Variants in MBTPS2 observed in about 807,000 individuals in gnomAD.
The protein encoded by MBTPS2 is membrane-bound transcription factor site-2 protease.
In MBTPS2, 2 loss-of-function variants were observed where a neutral mutation model predicts 35.4. The ratio of observed to expected loss-of-function variants is 0.06; its 90% confidence interval spans 0.02 to 0.18. The LOEUF (loss-of-function observed/expected upper bound fraction) is 0.18. Among genes scored for constraint, MBTPS2 ranks in the 10% least tolerant of loss-of-function variants. MBTPS2 has a pLI of 1.00. For synonymous variants in MBTPS2, 125 were observed against 140.4 expected, an observed-to-expected ratio of 0.89 and a Z score of 0.77; for missense variants, 244 against 386.5, an observed-to-expected ratio of 0.63 and a Z score of 3.09.
rs1372476561 is a variant in MBTPS2, at chrX:21,862,919, CATATATATATAAACATATAT to C, written c.671-5536_671-5517del. Among the ~76,000 whole-genome samples the C allele has an allele frequency of 1.3e-3, 53 of 40,358 alleles. 2 individuals carry two copies. Among genetic ancestry groups the C allele is most frequent in the Middle Eastern group, 0.015 (1 of 67 alleles). The allele number at this position is 40,358 out of a possible 115,157, so 35.0% of individuals were successfully genotyped here. On this transcript the variant is annotated intron_variant, in intron 5 of 10. Transcript: ENST00000379484. ...ATATAAACATATATAAATATATAAA[CATATATATATAAACATATAT>C]ATATATATATATATATATATATATA...
At chrX:21,849,572 C>T (rs1245593860) in intron 3 of MBTPS2, among the ~76,000 whole-genome samples, 1 of 111,432 alleles carries the variant, frequency 9.0e-6, no homozygotes, top group African/African-American at 3.3e-5. Flanking sequence ...ACTACCCTCT[C>T]TGTGAGGCAT....
At chrX:21,857,604 A>C in intron 5 of MBTPS2, 6 of 1,199,268 alleles carry the variant, frequency 5.0e-6, no homozygotes, top group Non-Finnish European at 6.8e-6. Flanking sequence ...CAACCCGTGA[A>C]AAGGAGAAGA....
chrX:21,843,832 G>A lies in MBTPS2; in HGVS notation c.224+514G>A, dbSNP rs1407159439. Among the ~76,000 whole-genome samples the A allele has an allele frequency of 2.7e-5, 3 of 111,184 alleles. No individual in the cohort carries two copies. The East Asian group carries it at 8.5e-4, about 31-fold the overall frequency. On this transcript the variant is annotated intron_variant, in intron 2 of 10. Transcript: ENST00000379484. ...AGTTGGTTCTTTGAAAATATTAATT[G>A]GGCCGGGCGCAGTGGTTCACACCTG...
At chrX:21,857,642 C>G (rs773706302) in intron 5 of MBTPS2, 21 of 1,156,494 alleles carry the variant, frequency 1.8e-5, no homozygotes, top group Admixed American at 2.5e-5. Flanking sequence ...AATTATCTTC[C>G]AGGACTGCGG....
chrX:21,856,830 T>G, intron 5 of MBTPS2: 1 of 1,211,669 alleles, frequency 8.3e-7, no homozygotes, highest in East Asian at 3.0e-5. Flanking sequence ...AGACGAGCAC[T>G]TCCAGATGAC....
intron 6 of MBTPS2, 86 bp from the exon 7 acceptor site, chrX:21,869,408 CTTAA>C (rs2092944381): frequency 5.9e-6 from 4 of 674,386 alleles, no homozygotes; most frequent in Admixed American, 2.2e-5. Context: ...AAACTATTCA[CTTAA>C]TTAACTCAGT....
intron 10 of MBTPS2, among the ~76,000 whole-genome samples, chrX:21,881,405 A>C (rs999757201): frequency 9.0e-6 from 1 of 111,632 alleles, no homozygotes; most frequent in Non-Finnish European, 1.9e-5. Flanking sequence ...AGCTGGTTTC[A>C]ACTACTAAGA....
chrX:21,881,044 A>G (rs2092958728), intron 10 of MBTPS2, 72 bp downstream of exon 10: 7 of 729,007 alleles, frequency 9.6e-6, no homozygotes, highest in Non-Finnish European at 1.3e-5. Context: ...CCTTGAATAC[A>G]GCATTACAAA....
Position 21,884,542 on chromosome X carries a change from T to A in MBTPS2, c.*1887T>A. On this transcript the variant is annotated 3_prime_UTR_variant, in exon 11 of 11. Transcript: ENST00000379484. ...CTCATTTTATTTCAACTGTTAAACA[T>A]TTTGATCTGTTGACCCATAGGATCA... The A allele has an allele frequency of 1.3e-6, 1 of 754,008 alleles. No homozygotes were observed. The allele number at this position is 754,008 out of a possible 1,213,427, so 62.1% of individuals were successfully genotyped here.
chrX:21,882,393 A>C, intron 10 of MBTPS2, 40 bp from the exon 11 acceptor site: 1 of 1,007,181 alleles, frequency 9.9e-7, no homozygotes, highest in Non-Finnish European at 1.4e-6. Context: ...GTTTCTACTC[A>C]GACCTCTCAC....
chrX:21,866,811 G>C (rs1365235048), intron 5 of MBTPS2, among the ~76,000 whole-genome samples: 1 of 110,265 alleles, frequency 9.1e-6, no homozygotes, highest in Non-Finnish European at 1.9e-5. Context: ...CGGATCACTT[G>C]AGGTCAGGAG....
intron 10 of MBTPS2, among the ~76,000 whole-genome samples, chrX:21,882,032 A>G (rs755405708): frequency 4.4e-5 from 5 of 112,484 alleles, no homozygotes; most frequent in Non-Finnish European, 7.5e-5. Context: ...AAAATAAAGT[A>G]GGCTTCAAGG....
At position 21,878,530 on chromosome X, in the gene MBTPS2, G is replaced by A. The variant is rs1469829254; in HGVS notation, c.1099G>A (p.Ala367Thr). 7.4e-6 allele frequency: 9 copies of A among 1,209,553 alleles called. No homozygotes were observed. The highest frequency in any genetic ancestry group is 9.0e-6 in the Non-Finnish European group (8 of 893,561). The change falls in exon 9 of 11, where the codon GCA (alanine) becomes ACA (threonine). Residue 367 changes from alanine (A) to threonine (T), a missense_variant. Transcript: ENST00000379484. ...TCTTCCTGCCCGGAAAGCAGTTGAAGCAACTCAAGTTTGCAGAACCAATAA... is the reference window on the plus strand; with the variant it reads ...TCTTCCTGCCCGGAAAGCAGTTGAAACAACTCAAGTTTGCAGAACCAATAA... ...TCLPARKAVE[A>T]TQVCRTNKDC...
rs915322033 is a variant in MBTPS2 at position 21,884,062 on chromosome X, A to C, written c.*1407A>C. 4 of 753,181 alleles carry C rather than the reference A, an allele frequency of 5.3e-6. No individual in the cohort carries two copies. The highest frequency in any genetic ancestry group is 1.4e-4 in the South Asian group (2 of 14,814). 62.1% of individuals were successfully genotyped at this position (753,181 alleles called of 1,213,427 possible). ...TATTCCATGGGGTTACCTTTTTCAGATTATTGAGTTGCTCTGTAAGCACTA... is the reference window on the plus strand; with the variant it reads ...TATTCCATGGGGTTACCTTTTTCAGCTTATTGAGTTGCTCTGTAAGCACTA... On this transcript the variant is annotated 3_prime_UTR_variant, in exon 11 of 11. Transcript: ENST00000379484.
At chrX:21,863,300 T>C (rs775654823) in intron 5 of MBTPS2, among the ~76,000 whole-genome samples, 9 of 106,829 alleles carry the variant, frequency 8.4e-5, no homozygotes, top group Non-Finnish European at 1.3e-4. Flanking sequence ...AAAAAAAAAT[T>C]AAAAACTATA....
intron 7 of MBTPS2, among the ~76,000 whole-genome samples, chrX:21,877,683 T>C (rs2092954707): frequency 9.0e-6 from 1 of 111,719 alleles, no homozygotes; most frequent in Admixed American, 9.5e-5. Context: ...TCAGCAGTAA[T>C]GTTGGATCAT....
At chrX:21,862,435 CTTCAGAGAACCACTGGG>C (rs2092932514) in intron 5 of MBTPS2, among the ~76,000 whole-genome samples, 1 of 110,484 alleles carries the variant, frequency 9.1e-6, no homozygotes, top group Non-Finnish European at 1.9e-5. Context: ...TAGGAGCAGG[CTTCAGAGAACCACTGGG>C]TTCATATAAC....
At chrX:21,841,364 A>G (rs1167846031) in intron 1 of MBTPS2, among the ~76,000 whole-genome samples, 1 of 109,727 alleles carries the variant, frequency 9.1e-6, no homozygotes, top group African/African-American at 3.4e-5. Flanking sequence ...GAGGTTAACA[A>G]TGAAACAAGA....
chrX:21,867,786 G>A (rs1471851470), intron 5 of MBTPS2, among the ~76,000 whole-genome samples: 14 of 109,706 alleles, frequency 1.3e-4, no homozygotes, highest in Admixed American at 9.7e-4. Context: ...CTACAGACGC[G>A]CGCCACCATG....
Sources: gnomAD v4.1 joint callset for allele counts (sites outside exome capture counted in the v4.1 genomes callset) on GRCh38, gnomAD v4.1.1 for gene constraint, MANE v1.5 for transcripts, NCBI Gene and HGNC (gene_info 2026-07-23, HGNC 2026-07-21) for gene names.